The following TRABD2B variants were observed in gnomAD, a reference collection of about 807,000 sequenced individuals.
TRABD2B encodes TraB domain containing 2B, also known as metalloprotease TIKI2.
In TRABD2B, 14 loss-of-function variants were observed where a neutral mutation model predicts 40.1. The observed-to-expected ratio is 0.35, with a 90% confidence interval of 0.23 to 0.55. TRABD2B has a LOEUF of 0.55. Ranked by LOEUF, TRABD2B falls within the 20% of genes least tolerant of loss-of-function variation. The pLI is 0.90. For missense variants in TRABD2B, 541 were observed against 648.6 expected (o/e 0.83, Z 1.80); for synonymous variants, 263 against 277.0 (o/e 0.95, Z 0.50).
chr1:47,805,254 C>A (rs58253673), intron 2 of TRABD2B, among the ~76,000 whole-genome samples: 8,476 of 150,518 alleles, frequency 0.056, 400 homozygotes, highest in East Asian at 0.17. Flanking sequence ...ACTGCCACAC[C>A]CATTTTTTTT....
chr1:47,909,882 T>A (rs536334289), intron 2 of TRABD2B, among the ~76,000 whole-genome samples: 2 of 146,170 alleles, frequency 1.4e-5, no homozygotes, highest in South Asian at 4.6e-4. Flanking sequence ...TGAGACACTT[T>A]GGAACTGTTA....
chr1:47,796,147 A>T (rs1320824585), intron 3 of TRABD2B, among the ~76,000 whole-genome samples: 1 of 152,192 alleles, frequency 6.6e-6, no homozygotes, highest in African/African-American at 2.4e-5. Context: ...TAACAGGCCC[A>T]GGTGCTCCTG....
chr1:47,930,594 G>A (rs1450684932), intron 2 of TRABD2B, among the ~76,000 whole-genome samples: 1 of 152,216 alleles, frequency 6.6e-6, no homozygotes, highest in African/African-American at 2.4e-5. Flanking sequence ...TGTGACAGGA[G>A]ACACACACAT....
intron 2 of TRABD2B, among the ~76,000 whole-genome samples, chr1:47,993,145 A>C (rs1646036824): frequency 6.6e-6 from 1 of 152,190 alleles, no homozygotes; most frequent in African/African-American, 2.4e-5. Flanking sequence ...AATTGACCCA[A>C]GCCCCATCTT....
chr1:47,956,463 A>G (rs1337160586), intron 2 of TRABD2B, among the ~76,000 whole-genome samples: 1 of 152,214 alleles, frequency 6.6e-6, no homozygotes, highest in Non-Finnish European at 1.5e-5. Flanking sequence ...TAGCCAAGGG[A>G]AGCCGTGACA....
At chr1:47,874,779 T>A (rs911179574) in intron 2 of TRABD2B, among the ~76,000 whole-genome samples, 1 of 151,604 alleles carries the variant, frequency 6.6e-6, no homozygotes, top group Non-Finnish European at 1.5e-5. Context: ...TATACACATA[T>A]ATTTTTAAGA....
At chr1:47,863,395 A>ATATATATATATATAT (rs1553159688) in intron 2 of TRABD2B, among the ~76,000 whole-genome samples, 1 of 31,992 alleles carries the variant, frequency 3.1e-5, no homozygotes, top group African/African-American at 1.1e-4. Context: ...TATATATATA[A>ATATATATATATATAT]TCTCTTAAAA....
At chr1:47,942,065 T>C (rs1303569224) in intron 2 of TRABD2B, among the ~76,000 whole-genome samples, 1 of 152,216 alleles carries the variant, frequency 6.6e-6, no homozygotes, top group Non-Finnish European at 1.5e-5. Flanking sequence ...TAAACACTAT[T>C]GGAAGAGGAG....
At chr1:47,923,019 G>C (rs945788519) in intron 2 of TRABD2B, among the ~76,000 whole-genome samples, 3 of 152,166 alleles carry the variant, frequency 2.0e-5, no homozygotes, top group Admixed American at 2.0e-4. Flanking sequence ...TGCAAGGCAT[G>C]TACACAGCTG....
At position 47,790,373 on chromosome 1, in the gene TRABD2B, C is replaced by A. The variant is rs890411662; in HGVS notation, c.988+4213G>T. On this transcript the variant is annotated intron_variant, in intron 4 of 6. Transcript: ENST00000606738. Reference sequence around the variant, plus strand: ...CAGAACATCTGGGCTTGCACACTGGCCACAGCCACCTCCTGGATAGGGAGG... The same window carrying A: ...CAGAACATCTGGGCTTGCACACTGGACACAGCCACCTCCTGGATAGGGAGG... 3.3e-5 allele frequency among the ~76,000 whole-genome samples: 5 copies of A among 152,304 alleles called. No individual in the cohort carries two copies. In the East Asian group the frequency reaches 9.7e-4, roughly 29 times the overall value.
chr1:47,930,737 C>T, intron 2 of TRABD2B, among the ~76,000 whole-genome samples: 1 of 152,088 alleles, frequency 6.6e-6, no homozygotes, highest in Admixed American at 6.6e-5. Context: ...TCTCTCCCTC[C>T]CAGTGGCCTT....
chr1:47,825,444 A>C (rs1645162397), intron 2 of TRABD2B, among the ~76,000 whole-genome samples: 1 of 151,880 alleles, frequency 6.6e-6, no homozygotes, highest in Non-Finnish European at 1.5e-5. Flanking sequence ...GTCTCCCAAG[A>C]CCCCATTCTC....
chr1:47,800,397 C>T lies in TRABD2B; in HGVS notation c.813+1076G>A, dbSNP rs192705205. Among the ~76,000 whole-genome samples, 49 of 152,262 alleles carry T rather than the reference C, an allele frequency of 3.2e-4. 1 individual carries two copies. The highest frequency in any genetic ancestry group is 2.9e-3 in the East Asian group (15 of 5,164). On this transcript the variant is annotated intron_variant, in intron 3 of 6. Transcript: ENST00000606738. ...GAGCCATGGTCATACCTGGGAGAGG[C>T]ATTCGGCAGAGGGAGCAGCCAGTGC...
At chr1:47,993,900 G>T in intron 2 of TRABD2B, 134 bp downstream of exon 2, 1 of 904,302 alleles carries the variant, frequency 1.1e-6, no homozygotes, top group Non-Finnish European at 1.6e-6. Flanking sequence ...TCGCTGCCCA[G>T]CAGAACCTCT....
At chr1:47,811,069 G>T (rs952895511) in intron 2 of TRABD2B, among the ~76,000 whole-genome samples, 2 of 152,190 alleles carry the variant, frequency 1.3e-5, no homozygotes, top group African/African-American at 2.4e-5. Flanking sequence ...AGTGAGGTGG[G>T]TGGTGGGCAG....
chr1:47,994,521 G>A lies in TRABD2B; in HGVS notation c.179C>T (p.Pro60Leu). 6.5e-7 allele frequency: 1 copy of A among 1,536,164 alleles called. No homozygotes were observed. The highest frequency in any genetic ancestry group is 8.7e-7 in the Non-Finnish European group (1 of 1,146,922). The change falls in exon 2 of 7, where the codon CCC becomes CTC. Residue 60 changes from proline to leucine, a missense_variant. Around this residue, in one of 2 missense-constraint regions of TRABD2B, gnomAD observed 369 missense variants for 492.8 expected, o/e 0.75. Coordinates refer to ENST00000606738, the MANE Select transcript of TRABD2B (RefSeq NM_001194986.2). The surrounding 1 kb of genome is among the most constrained non-coding windows in gnomAD (Gnocchi z 6.7). ...PAYLFGTIHVPYTRVWDFIPD... is the reference protein window; with the variant it reads ...PAYLFGTIHVLYTRVWDFIPD... ...GATGAAGTCCCAGACGCGGGTGTAG[G>A]GGACGTGAATAGTGCCAAACAGGTA...
At chr1:47,904,099 AGAAG>A (rs1470953641) in intron 2 of TRABD2B, among the ~76,000 whole-genome samples, 1 of 152,206 alleles carries the variant, frequency 6.6e-6, no homozygotes, top group Non-Finnish European at 1.5e-5. Context: ...TAAGGCCTGC[AGAAG>A]GAGCTGTAAC....
chr1:47,883,293 T>G (rs1057097668), intron 2 of TRABD2B, among the ~76,000 whole-genome samples: 1 of 152,218 alleles, frequency 6.6e-6, no homozygotes, highest in Admixed American at 6.5e-5. Context: ...CTTGACATTG[T>G]CTCAAAATTG....
At chr1:47,785,928 G>T (rs111846825) in intron 4 of TRABD2B, among the ~76,000 whole-genome samples, 1 of 152,188 alleles carries the variant, frequency 6.6e-6, no homozygotes, top group East Asian at 1.9e-4. Flanking sequence ...TTGCCACAGC[G>T]TCCCAGTTGC....
Sources: gnomAD v4.1 joint callset for allele counts (sites outside exome capture counted in the v4.1 genomes callset) on GRCh38, gnomAD v4.1.1 for gene constraint, gnomAD v4.1.1 regional missense constraint, Gnocchi (gnomAD v3.1) non-coding constraint, MANE v1.5 for transcripts, NCBI Gene and HGNC (gene_info 2026-07-23, HGNC 2026-07-21) for gene names.